Variants in WAS observed in about 807,000 individuals in gnomAD.
The protein encoded by WAS is WASP actin nucleation promoting factor, also known as actin nucleation-promoting factor WAS.
In WAS, 1 loss-of-function variant was observed where a neutral mutation model predicts 38.9. The ratio of observed to expected loss-of-function variants is 0.03; its 90% confidence interval spans 0.01 to 0.12. WAS has a LOEUF of 0.12. Among genes scored for constraint, WAS ranks in the 10% least tolerant of loss-of-function variants. The pLI is 1.00. For synonymous variants in WAS, 182 were observed against 173.6 expected (o/e 1.05, Z -0.38); for missense variants, 311 against 431.2 (o/e 0.72, Z 2.47).
chrX:48,688,973 C>T lies in WAS; in HGVS notation c.1245C>T (p.Leu415=), dbSNP rs1557007301. The change falls in exon 10 of 12, where the codon CTC becomes CTT. Residue 415 remains leucine, a synonymous_variant. Coordinates refer to ENST00000376701, the MANE Select transcript of WAS (RefSeq NM_000377.3). Reference sequence around the variant, plus strand: ...GGAATGGACCAGCCCCTCCCCCACTCCCTCCTGCTCTGGTGCCTGCCGGGG... The same window carrying T: ...GGAATGGACCAGCCCCTCCCCCACTTCCTCCTGCTCTGGTGCCTGCCGGGG... The part of the protein sequence containing the change: ...SSGNGPAPPP[L]PPALVPAGGL... 9 of 1,182,622 alleles carry T rather than the reference C, an allele frequency of 7.6e-6. No homozygotes were observed. Among genetic ancestry groups the T allele is most frequent in the Non-Finnish European group, 9.1e-6 (8 of 881,686 alleles).
rs372649110 is a variant in WAS at position 48,689,027 on chromosome X, G to A, written c.1299G>A (p.Ala433=). ...TGGCCCCTGGTGGGGGTCGGGGAGC[G>A]CTTTTGGATCAAATCCGGCAGGGAA... ...GGLAPGGGRG[A]LLDQIRQGIQ... is the part of the protein sequence containing the mutation. The change falls in exon 10 of 12, where the codon GCG becomes GCA. Residue 433 remains alanine (A), a synonymous_variant. Coordinates refer to ENST00000376701, the MANE Select transcript of WAS (RefSeq NM_000377.3). 1,617 of 1,203,318 alleles carry A rather than the reference G, an allele frequency of 1.3e-3. 15 individuals are homozygous for A. The South Asian group carries it at 0.026, about 20-fold the overall frequency.
At position 48,688,781 on chromosome X, in the gene WAS, AC is replaced by A. The variant is rs1557007165; in HGVS notation, c.1058del (p.Pro353HisfsTer92). 1 of 1,074,553 alleles carries A rather than the reference AC, an allele frequency of 9.3e-7. No homozygotes were observed. The highest frequency in any genetic ancestry group is 1.2e-6 in the Non-Finnish European group (1 of 817,526). The allele number at this position is 1,074,553 out of a possible 1,213,427, so 88.6% of individuals were successfully genotyped here. A position where few individuals can be genotyped will look rare whatever the true frequency, so the allele number is the denominator to read the frequency against. ...LPPVPLGIAP[P>X]PPTPRGPPPP... ...CCCCTGTACCTTTGGGGATTGCCCC[AC>A]CCCCACCAACACCCCGGGGACCCCC... is the stretch of plus-strand genomic sequence containing the variant. On this transcript the variant is annotated frameshift_variant, in exon 10 of 12. Transcript: ENST00000376701. LOFTEE classifies it high-confidence loss of function.
chrX:48,689,904 G>A (rs1040172049), intron 11 of WAS, among the ~76,000 whole-genome samples: 1 of 107,657 alleles, frequency 9.3e-6, no homozygotes, highest in Non-Finnish European at 1.9e-5. Context: ...GGGAGGCTGA[G>A]GTGGGAGGAT....
intron 1 of WAS, 81 bp downstream of exon 1, chrX:48,684,066 C>G: frequency 8.7e-7 from 1 of 1,145,495 alleles, no homozygotes; most frequent in Non-Finnish European, 1.2e-6. Flanking sequence ...TTCCCCTCCT[C>G]CCGCTCCTCC....
At chrX:48,684,687 A>C (rs2062413896) in intron 2 of WAS, among the ~76,000 whole-genome samples, 1 of 111,456 alleles carries the variant, frequency 9.0e-6, no homozygotes, top group Admixed American at 9.6e-5. Flanking sequence ...AATTCCAATA[A>C]ATGAGCACTG....
At chrX:48,684,534 C>T in intron 2 of WAS, 111 bp downstream of exon 2, 4 of 1,011,113 alleles carry the variant, frequency 4.0e-6, no homozygotes, top group Non-Finnish European at 1.3e-6. Flanking sequence ...TCAGTGAATC[C>T]CTGAGCCCCA....
chrX:48,690,200 G>C lies in WAS; in HGVS notation c.1453+766G>C, dbSNP rs187614405. Among the ~76,000 whole-genome samples the C allele has an allele frequency of 5.1e-3, 555 of 109,755 alleles. 6 individuals are homozygous for C. Among genetic ancestry groups the C allele is most frequent in the African/African-American group, 0.017 (513 of 30,215 alleles). On this transcript the variant is annotated intron_variant, in intron 11 of 11. Transcript: ENST00000376701. The stretch of plus-strand genomic sequence containing the variant: ...AGTACAGTGGTGCAATCATGGCTCA[G>C]TGCAGCCTCAACCTCCCAGGCTCAA...
chrX:48,688,638 A>C (rs1487433442), intron 9 of WAS, 22 bp from the exon 10 acceptor site: 1 of 1,207,787 alleles, frequency 8.3e-7, no homozygotes, highest in Non-Finnish European at 1.1e-6. Flanking sequence ...AGTTACAGCT[A>C]TGTGTTATAC....
Position 48,689,844 on chromosome X carries a change from C to CA in WAS, c.1453+417dup, listed in dbSNP as rs781821301. ...ACCTCGTTTCCATAAAAACTAAATT[C>CA]AAAAAAAGTAGTCAAGCATAGTGGT... is the stretch of plus-strand genomic sequence containing the variant. On this transcript the variant is annotated intron_variant, in intron 11 of 11. Transcript: ENST00000376701. Among the ~76,000 whole-genome samples, 526 of 107,783 alleles carry CA rather than the reference C, an allele frequency of 4.9e-3. 6 individuals are homozygous for CA. The highest frequency in any genetic ancestry group is 0.016 in the African/African-American group (487 of 29,604). 93.6% of individuals were successfully genotyped at this position (107,783 alleles called of 115,157 possible).
At chrX:48,682,557 G>A (rs2062404118), upstream of WAS, among the ~76,000 whole-genome samples, 2 of 112,213 alleles carry the variant, frequency 1.8e-5, no homozygotes, top group African/African-American at 6.5e-5. Context: ...AACTAAACAA[G>A]ATGTTGTTCA....
chrX:48,686,680 AAC>A (rs2062421010), intron 6 of WAS, 99 bp from the exon 7 acceptor site: 10 of 1,023,200 alleles, frequency 9.8e-6, no homozygotes, highest in South Asian at 2.0e-5. Context: ...ATGACCATCC[AAC>A]ACACACACAG....
rs782681903 is a variant in WAS, at chrX:48,689,021, G to A, written c.1293G>A (p.Arg431=). ...PAGGLAPGGG[R]GALLDQIRQG... ...GGGGCCTGGCCCCTGGTGGGGGTCGGGGAGCGCTTTTGGATCAAATCCGGC... is the reference window on the plus strand; with the variant it reads ...GGGGCCTGGCCCCTGGTGGGGGTCGAGGAGCGCTTTTGGATCAAATCCGGC... Residue 431 remains arginine, a synonymous_variant, in exon 10 of 12, where the codon CGG becomes CGA. Transcript: ENST00000376701. 2 of 1,205,028 alleles carry A rather than the reference G, an allele frequency of 1.7e-6. No homozygotes were observed. The highest frequency in any genetic ancestry group is 1.7e-5 in the African/African-American group (1 of 57,662).
At chrX:48,691,051 C>T in intron 11 of WAS, 56 bp from the exon 12 acceptor site, 3 of 1,126,190 alleles carry the variant, frequency 2.7e-6, no homozygotes, top group African/African-American at 1.8e-5. Flanking sequence ...CCTCCCAGGC[C>T]CTATGAAGCC....
chrX:48,684,334 G>A lies in WAS; in HGVS notation c.184G>A (p.Glu62Lys). The A allele has an allele frequency of 1.7e-6, 2 of 1,211,905 alleles. No individual in the cohort carries two copies. Among genetic ancestry groups the A allele is most frequent in the South Asian group, 3.5e-5 (2 of 57,009 alleles). ...QLYLALPPGA[E>K]HWTKEHCGAV... ...GTACCTGGCGCTGCCCCCTGGAGCT[G>A]AGCACTGGACCAAGGAGCATTGTGG... The change falls in exon 2 of 12, where the codon GAG becomes AAG. Residue 62 changes from glutamate to lysine, a missense_variant. By Grantham distance (56) the Glu-to-Lys change is moderately conservative (BLOSUM62 1). Around this residue, in one of 4 missense-constraint regions of WAS, gnomAD observed 64 missense variants for 122.5 expected, o/e 0.52. Transcript: ENST00000376701.
intron 8 of WAS, 52 bp downstream of exon 8, chrX:48,688,148 C>T (rs371765089): frequency 3.4e-6 from 4 of 1,169,585 alleles, no homozygotes; most frequent in Non-Finnish European, 4.6e-6. Flanking sequence ...CCCACCCTTC[C>T]AAAGACCACT....
chrX:48,684,916 C>G (rs1249479451), intron 2 of WAS, among the ~76,000 whole-genome samples: 1 of 111,358 alleles, frequency 9.0e-6, no homozygotes, highest in Non-Finnish European at 1.9e-5. Flanking sequence ...AATTCCTGAA[C>G]ACTCAAATAC....
chrX:48,686,979 CCA>C, intron 7 of WAS, 24 bp downstream of exon 7: 1 of 1,189,151 alleles, frequency 8.4e-7, no homozygotes, highest in Non-Finnish European at 1.1e-6. Context: ...CCCAGTGGAC[CCA>C]CAGATTCCTG....
intron 8 of WAS, 84 bp downstream of exon 8, chrX:48,688,180 C>G: frequency 8.7e-7 from 1 of 1,145,365 alleles, no homozygotes; most frequent in African/African-American, 1.8e-5. Flanking sequence ...ACCCCCAGAT[C>G]GTGCCCTTCC....
intron 6 of WAS, 33 bp downstream of exon 6, chrX:48,686,167 G>T: frequency 8.3e-7 from 1 of 1,204,245 alleles, no homozygotes; most frequent in Non-Finnish European, 1.1e-6. Context: ...GTCTCTGGAT[G>T]GATGGGTAAG....
Sources: gnomAD v4.1 joint callset for allele counts (sites outside exome capture counted in the v4.1 genomes callset) on GRCh38, gnomAD v4.1.1 for gene constraint, gnomAD v4.1.1 regional missense constraint, MANE v1.5 for transcripts, NCBI Gene and HGNC (gene_info 2026-07-23, HGNC 2026-07-21) for gene names.